The following DIP2C variants were observed in gnomAD, a reference collection of about 807,000 sequenced individuals.
DIP2C encodes disco-interacting protein 2 homolog C.
Under a neutral mutation model 192.4 loss-of-function variants are expected in DIP2C, and 33 were observed. That is an observed-to-expected ratio of 0.17 (90% CI 0.13 to 0.23). DIP2C has a LOEUF of 0.23. DIP2C is among the 10% of genes least tolerant of loss of function. DIP2C has a pLI of 1.00. For synonymous variants in DIP2C, 979 were observed against 864.1 expected (o/e 1.13, Z -2.33); for missense variants, 1,537 against 2,110.1 (o/e 0.73, Z 5.32).
At chr10:670,521 TAGG>T (rs1564328915) in intron 1 of DIP2C, among the ~76,000 whole-genome samples, 4 of 152,192 alleles carry the variant, frequency 2.6e-5, no homozygotes. Context: ...AGAGACAACA[TAGG>T]GGGACGGCTG....
rs1466409747 is a variant in DIP2C at position 413,767 on chromosome 10, T to C, written c.1057+146A>G. 6.3e-6 allele frequency: 6 copies of C among 954,408 alleles called. No homozygotes were observed. In the Admixed American group the frequency reaches 1.2e-4, roughly 19 times the overall value. 59.1% of individuals were successfully genotyped at this position (954,408 alleles called of 1,614,324 possible). ...ACACTGAGCTTCGTGCGTTCGGGAG[T>C]GGCTGCGCGAGGGCGTGGGCAAAGG... On this transcript the variant is annotated intron_variant, in intron 8 of 36. Transcript: ENST00000280886.
intron 1 of DIP2C, among the ~76,000 whole-genome samples, chr10:550,938 T>TC (rs1200622050): frequency 6.1e-5 from 9 of 147,464 alleles, no homozygotes; most frequent in Non-Finnish European, 1.0e-4. Context: ...GGCCTCGGTC[T>TC]CCCCTCTGCC....
At chr10:304,337 G>A (rs946591957) in intron 32 of DIP2C, among the ~76,000 whole-genome samples, 1 of 152,010 alleles carries the variant, frequency 6.6e-6, no homozygotes, top group Non-Finnish European at 1.5e-5. Flanking sequence ...TCTCATTTAG[G>A]GGACACTGTC....
At position 689,572 on chromosome 10, in the gene DIP2C, C is replaced by T; in HGVS notation, c.7G>A (p.Asp3Asn). 2 of 1,185,006 alleles carry T rather than the reference C, an allele frequency of 1.7e-6. No individual in the cohort carries two copies. The highest frequency in any genetic ancestry group is 2.9e-4 in the Middle Eastern group (1 of 3,414). 73.4% of individuals were successfully genotyped at this position (1,185,006 alleles called of 1,614,324 possible). ...AGCGCCATGCCCTCCAGGCTGCGGT[C>T]CGCCATGCTCCGCGGGCGCCGCGCC... MA[D>N]RSLEGMALPL... The change falls in exon 1 of 37, where the codon GAC (aspartate) becomes AAC (asparagine). Residue 3 changes from aspartate to asparagine, a missense_variant. Transcript: ENST00000280886. The surrounding 1 kb of genome is among the most constrained non-coding windows in gnomAD (Gnocchi z 6.1).
chr10:330,647 CTTG>C (rs1027383121), intron 29 of DIP2C, among the ~76,000 whole-genome samples: 8 of 112,772 alleles, frequency 7.1e-5, no homozygotes, highest in African/African-American at 1.2e-4. Flanking sequence ...CACCACCATG[CTTG>C]TTTTTTTTTT....
chr10:673,970 G>C (rs1830762787), intron 1 of DIP2C, among the ~76,000 whole-genome samples: 2 of 152,150 alleles, frequency 1.3e-5, no homozygotes, highest in Admixed American at 1.3e-4. Flanking sequence ...AATCCCAACA[G>C]GGACGGTGAG....
At chr10:663,638 G>A (rs1159410547) in intron 1 of DIP2C, 1 of 152,224 alleles carries the variant, frequency 6.6e-6, no homozygotes, top group Admixed American at 6.5e-5. Context: ...TTTACGCCTG[G>A]GCAGGTTGAA....
At chr10:531,609 A>AG (rs1847375740) in intron 1 of DIP2C, among the ~76,000 whole-genome samples, 1 of 152,148 alleles carries the variant, frequency 6.6e-6, no homozygotes, top group Admixed American at 6.5e-5. Context: ...GTAAAGGCCG[A>AG]GCTCGGGAAA....
rs2132559839 is a variant in DIP2C at position 341,346 on chromosome 10, T to C, written c.3454-17A>G. 1 of 1,613,440 alleles carries C rather than the reference T, an allele frequency of 6.2e-7. No homozygotes were observed. Among genetic ancestry groups the C allele is most frequent in the East Asian group, 2.2e-5 (1 of 44,872 alleles). ...GTGAGACATCTGCAAAATACAAGGCTGTGTTAAACGCATCGGACCTGACAC... is the reference window on the plus strand; with the variant it reads ...GTGAGACATCTGCAAAATACAAGGCCGTGTTAAACGCATCGGACCTGACAC... On this transcript the variant is annotated splice_polypyrimidine_tract_variant and intron_variant, in intron 28 of 36. Transcript: ENST00000280886.
Position 651,337 on chromosome 10 carries a change from C to G in DIP2C, c.85+38157G>C, listed in dbSNP as rs1293191081. On this transcript the variant is annotated intron_variant, in intron 1 of 36. Transcript: ENST00000280886. This position sits in a 1 kb window ranked among gnomAD's most constrained non-coding sequence, Gnocchi z 4.1. ...TGGACACGATCCCATCAGGAACCAC[C>G]TACTTTTGCATCCCCAGCACTGTGC... 2.8e-6 allele frequency: 2 copies of G among 703,712 alleles called. No individual in the cohort carries two copies. Among genetic ancestry groups the G allele is most frequent in the Admixed American group, 4.0e-5 (2 of 50,022 alleles). 43.6% of individuals were successfully genotyped at this position (703,712 alleles called of 1,614,324 possible). A position where few individuals can be genotyped will look rare whatever the true frequency, so the allele number is the denominator to read the frequency against.
chr10:328,230 G>T (rs1189985871), intron 30 of DIP2C, among the ~76,000 whole-genome samples: 1 of 152,192 alleles, frequency 6.6e-6, no homozygotes, highest in Admixed American at 6.5e-5. Flanking sequence ...CTCAAGTCTG[G>T]GTGACACAAA....
intron 1 of DIP2C, among the ~76,000 whole-genome samples, chr10:645,580 A>G (rs564573823): frequency 9.8e-5 from 15 of 152,388 alleles, no homozygotes; most frequent in South Asian, 4.1e-4. Context: ...TGGTGGTATT[A>G]TAAGTAATTT....
chr10:600,271 T>C (rs989772508), intron 1 of DIP2C, among the ~76,000 whole-genome samples: 2 of 152,190 alleles, frequency 1.3e-5, no homozygotes, highest in African/African-American at 2.4e-5. Flanking sequence ...TGCCGCTGCC[T>C]TGCCCAGCTC....
intron 17 of DIP2C, among the ~76,000 whole-genome samples, chr10:374,098 G>A (rs1961299144): frequency 6.6e-6 from 1 of 152,146 alleles, no homozygotes; most frequent in African/African-American, 2.4e-5. Flanking sequence ...ATCTTTCCAT[G>A]TGTCTGTGTG....
At chr10:533,413 G>A (rs181831057) in intron 1 of DIP2C, among the ~76,000 whole-genome samples, 131 of 152,182 alleles carry the variant, frequency 8.6e-4, no homozygotes, top group African/African-American at 3.0e-3. Flanking sequence ...TAACAGCCTC[G>A]GGGCAAACTA....
chr10:457,560 T>G (rs571761713), intron 3 of DIP2C, among the ~76,000 whole-genome samples: 5 of 151,080 alleles, frequency 3.3e-5, no homozygotes, highest in Admixed American at 2.0e-4. Context: ...ATTAAATTCT[T>G]TTTTTTCTTT....
intron 31 of DIP2C, among the ~76,000 whole-genome samples, chr10:313,767 A>G (rs1398659944): frequency 6.6e-6 from 1 of 152,258 alleles, no homozygotes; most frequent in Non-Finnish European, 1.5e-5. Flanking sequence ...TATTATATCA[A>G]TTAGGTATTA....
chr10:377,970 A>G (rs80118712), intron 17 of DIP2C, among the ~76,000 whole-genome samples: 5 of 152,194 alleles, frequency 3.3e-5, no homozygotes, highest in African/African-American at 1.2e-4. Flanking sequence ...TTCACAACGT[A>G]GCTTTAAGAA....
chr10:404,462 G>A (rs1182714967), intron 9 of DIP2C, among the ~76,000 whole-genome samples: 1 of 152,152 alleles, frequency 6.6e-6, no homozygotes, highest in Non-Finnish European at 1.5e-5. Flanking sequence ...GCCCACCTCA[G>A]CCTCTCGAAG....
Sources: allele counts gnomAD v4.1 joint callset (sites outside exome capture counted in the v4.1 genomes callset), GRCh38; gene constraint gnomAD v4.1.1; non-coding constraint Gnocchi (gnomAD v3.1); transcripts MANE v1.5; gene names NCBI Gene and HGNC (gene_info 2026-07-23, HGNC 2026-07-21).